The following ZFR2 variants were observed in gnomAD, a reference collection of about 807,000 sequenced individuals.
ZFR2 encodes the protein zinc finger RNA binding protein 2.
ZFR2 carries 104 observed loss-of-function variants against 105.7 expected under a neutral mutation model. The observed-to-expected ratio is 0.98, with a 90% CI of 0.84 to 1.16. The LOEUF (loss-of-function observed/expected upper bound fraction) is 1.16, where lower values mean the gene tolerates loss of function less well. Ranked by LOEUF, ZFR2 falls within the 50% of genes most tolerant of loss-of-function variation. The pLI is 0.00. For synonymous variants in ZFR2, 634 were observed against 597.7 expected (o/e 1.06, Z -0.89); for missense variants, 1,425 against 1,355.5 (o/e 1.05, Z -0.80).
At chr19:3,855,385 CTG>C (rs2038285404) in intron 1 of ZFR2, 2 of 1,231,556 alleles carry the variant, frequency 1.6e-6, no homozygotes, top group South Asian at 8.2e-5. Flanking sequence ...ATGAGAAATT[CTG>C]TGTGTACAAA....
intron 1 of ZFR2, among the ~76,000 whole-genome samples, chr19:3,864,375 CACAAACAAACAAACAA>C (rs58613356): frequency 6.6e-6 from 1 of 151,300 alleles, no homozygotes; most frequent in Non-Finnish European, 1.5e-5. Flanking sequence ...GATCCTGTCT[CACAAACAAACAAACAA>C]ACAAACAAAC....
chr19:3,831,544 G>A lies in ZFR2; in HGVS notation c.611C>T (p.Pro204Leu), dbSNP rs752344921. 115 of 1,562,994 alleles carry A rather than the reference G, an allele frequency of 7.4e-5. No individual in the cohort carries two copies. The Middle Eastern group carries it at 1.7e-3, about 23-fold the overall frequency. ...GGAGTACACCGACGCGTCATAGTTCGGGTAGCTTGGTGCTGAGCAGCAGAG... is the reference window on the plus strand; with the variant it reads ...GGAGTACACCGACGCGTCATAGTTCAGGTAGCTTGGTGCTGAGCAGCAGAG... ...TCTAYTAPSY[P>L]NYDASVYSAA... is the part of the protein sequence containing the mutation. The change falls in exon 5 of 19, where the codon CCG (proline) becomes CTG (leucine). Residue 204 changes from proline to leucine, a missense_variant. Physicochemically the swap from Pro to Leu is moderately conservative, Grantham distance 98. Coordinates refer to ENST00000262961, the MANE Select transcript of ZFR2 (RefSeq NM_015174.2).
chr19:3,810,646 G>C, intron 16 of ZFR2, 104 bp downstream of exon 16: 5 of 1,141,306 alleles, frequency 4.4e-6, no homozygotes, highest in Non-Finnish European at 6.0e-6. Flanking sequence ...GTCTCCCGCC[G>C]GCTCCTTCGA....
chr19:3,864,565 C>T (rs1253318033), intron 1 of ZFR2, among the ~76,000 whole-genome samples: 4 of 152,184 alleles, frequency 2.6e-5, no homozygotes, highest in Admixed American at 6.5e-5. Context: ...CGGCAGAGGC[C>T]TCTGGCCTGT....
chr19:3,842,484 G>GA (rs1393268494), intron 1 of ZFR2, among the ~76,000 whole-genome samples: 9 of 151,912 alleles, frequency 5.9e-5, no homozygotes, highest in African/African-American at 2.2e-4. Context: ...CATTTTGTCT[G>GA]AAAAAATGAC....
intron 17 of ZFR2, 45 bp from the exon 18 acceptor site, chr19:3,807,314 T>G (rs1356997074): frequency 1.4e-6 from 2 of 1,438,210 alleles, no homozygotes; most frequent in Admixed American, 4.0e-5. Context: ...GAGAATGCCC[T>G]CGTGAAAGAC....
intron 1 of ZFR2, among the ~76,000 whole-genome samples, chr19:3,861,796 C>A (rs2038376541): frequency 6.6e-6 from 1 of 152,102 alleles, no homozygotes; most frequent in Non-Finnish European, 1.5e-5. Context: ...CGTGGTGGTG[C>A]ATGCCTGTAG....
chr19:3,811,735 G>A (rs57757653), intron 14 of ZFR2, among the ~76,000 whole-genome samples: 1,992 of 151,904 alleles, frequency 0.013, 51 homozygotes, highest in African/African-American at 0.046. Flanking sequence ...GATTACAGGC[G>A]TGAGCCACCG....
chr19:3,818,983 C>A, intron 12 of ZFR2, 62 bp downstream of exon 12: 1 of 1,558,766 alleles, frequency 6.4e-7, no homozygotes, highest in Non-Finnish European at 8.7e-7. Context: ...GGGTCTCGTC[C>A]CGAGGAGCTG....
intron 18 of ZFR2, 103 bp from the exon 19 acceptor site, chr19:3,806,228 G>T: frequency 7.8e-7 from 1 of 1,277,246 alleles, no homozygotes; most frequent in Non-Finnish European, 1.0e-6. Context: ...GATGGGCCAG[G>T]CCTATCCTGT....
At position 3,819,172 on chromosome 19, in the gene ZFR2, G is replaced by A; in HGVS notation, c.1804C>T (p.Pro602Ser). The A allele has an allele frequency of 1.3e-6, 2 of 1,597,480 alleles. No homozygotes were observed. Among genetic ancestry groups the A allele is most frequent in the Non-Finnish European group, 1.7e-6 (2 of 1,176,138 alleles). The change falls in exon 12 of 19, where the codon CCC becomes TCC. Residue 602 changes from proline to serine, a missense_variant. Coordinates refer to ENST00000262961, the MANE Select transcript of ZFR2 (RefSeq NM_015174.2). ...ACGGCCAGGAGCTCCTGCTCCGTGG[G>A]GTAGATGGTGGCGTGCTTGCACATG... ...HVMCKHATIY[P>S]TEQELLAVQR...
chr19:3,823,278 C>A lies in ZFR2; in HGVS notation c.1339G>T (p.Ala447Ser), dbSNP rs1316697095. The change falls in exon 8 of 19, where the codon GCG (alanine) becomes TCG (serine). Residue 447 changes from alanine (A) to serine (S), a missense_variant. Coordinates refer to ENST00000262961, the MANE Select transcript of ZFR2 (RefSeq NM_015174.2). This position sits in a 1 kb window ranked among gnomAD's most constrained non-coding sequence, Gnocchi z 5.4. ...ACATATTCCGGGCCCACCGGCTGCGCATCAGAGCAGCCCGCGGGAGCTTCC... is the reference window on the plus strand; with the variant it reads ...ACATATTCCGGGCCCACCGGCTGCGAATCAGAGCAGCCCGCGGGAGCTTCC... ...SKEAPAGCSDAQPVGPEYVEE... is the reference protein window; with the variant it reads ...SKEAPAGCSDSQPVGPEYVEE... 2 of 1,614,032 alleles carry A rather than the reference C, an allele frequency of 1.2e-6. No homozygotes were observed. The highest frequency in any genetic ancestry group is 1.1e-5 in the South Asian group (1 of 91,092).
intron 1 of ZFR2, among the ~76,000 whole-genome samples, chr19:3,862,432 G>C (rs1469276205): frequency 6.6e-6 from 1 of 152,080 alleles, no homozygotes; most frequent in Non-Finnish European, 1.5e-5. Context: ...CGAGTAGCTG[G>C]GACCACAGGC....
Position 3,842,604 on chromosome 19 carries a change from T to G in ZFR2, c.54-7621A>C, listed in dbSNP as rs572273805. Among the ~76,000 whole-genome samples the G allele has an allele frequency of 5.3e-5, 8 of 152,104 alleles. No individual in the cohort carries two copies. In the South Asian group the frequency reaches 6.2e-4, roughly 12 times the overall value. On this transcript the variant is annotated intron_variant, in intron 1 of 18. Coordinates refer to ENST00000262961, the MANE Select transcript of ZFR2 (RefSeq NM_015174.2). The stretch of plus-strand genomic sequence containing the variant: ...ATGTACAATTGTCACTTCAATGCAT[T>G]TCAGAACTTTTTTTTCTTTTTTCTT...
intron 12 of ZFR2, among the ~76,000 whole-genome samples, chr19:3,818,407 A>G (rs1337162630): frequency 6.6e-6 from 1 of 152,098 alleles, no homozygotes; most frequent in Non-Finnish European, 1.5e-5. Context: ...TCTGAGGGTC[A>G]GTGAGCTCTG....
At chr19:3,856,353 G>T (rs889420313) in intron 1 of ZFR2, among the ~76,000 whole-genome samples, 1 of 152,136 alleles carries the variant, frequency 6.6e-6, no homozygotes, top group East Asian at 1.9e-4. Flanking sequence ...CCAGGGAGAG[G>T]CCTGCGCTGG....
intron 13 of ZFR2, among the ~76,000 whole-genome samples, chr19:3,815,034 A>T (rs907980088): frequency 1.4e-5 from 2 of 147,150 alleles, no homozygotes; most frequent in Non-Finnish European, 3.0e-5. Context: ...TTTCCCAGGG[A>T]TGGTGACAGA....
chr19:3,845,471 T>G (rs928761637), intron 1 of ZFR2, among the ~76,000 whole-genome samples: 2 of 135,576 alleles, frequency 1.5e-5, no homozygotes, highest in African/African-American at 5.6e-5. Context: ...AAGAAGAAAA[T>G]TTCAAAAAAA....
chr19:3,832,567 G>A (rs8103953), intron 3 of ZFR2, among the ~76,000 whole-genome samples: 59,585 of 151,604 alleles, frequency 0.39, 11,732 homozygotes, highest in East Asian at 0.44. Flanking sequence ...TGATCCACCC[G>A]CCTCTGCCTC....
Sources: gnomAD v4.1 joint callset for allele counts (sites outside exome capture counted in the v4.1 genomes callset) on GRCh38, gnomAD v4.1.1 for gene constraint, Gnocchi (gnomAD v3.1) non-coding constraint, MANE v1.5 for transcripts, NCBI Gene and HGNC (gene_info 2026-07-23, HGNC 2026-07-21) for gene names.